Variants in IGF2BP2 observed in about 807,000 individuals in gnomAD.
IGF2BP2 encodes insulin like growth factor 2 mRNA binding protein 2.
In IGF2BP2, 17 loss-of-function variants were observed where a neutral mutation model predicts 75.8. The observed-to-expected ratio is 0.22, with a 90% CI of 0.15 to 0.34. The LOEUF (loss-of-function observed/expected upper bound fraction) is 0.34, where lower values mean the gene tolerates loss of function less well. Ranked by LOEUF, IGF2BP2 falls within the 10% of genes least tolerant of loss-of-function variation. The pLI is 1.00. For missense variants in IGF2BP2, 516 were observed against 772.4 expected, an observed-to-expected ratio of 0.67 and a Z score of 3.93; for synonymous variants, 288 against 295.6, an observed-to-expected ratio of 0.97 and a Z score of 0.26.
At chr3:185,671,541 AAAAAAAAAAAG>A in intron 10 of IGF2BP2, among the ~76,000 whole-genome samples, 1 of 151,910 alleles carries the variant, frequency 6.6e-6, no homozygotes, top group African/African-American at 2.4e-5. Context: ...ATCTCAAAAA[AAAAAAAAAAAG>A]AAAAAGAAAA....
At chr3:185,739,079 A>C (rs1202703850) in intron 2 of IGF2BP2, among the ~76,000 whole-genome samples, 2 of 152,230 alleles carry the variant, frequency 1.3e-5, no homozygotes, top group Non-Finnish European at 2.9e-5. Context: ...CTGCCCTTTT[A>C]TATGTGTTTT....
At chr3:185,751,185 C>CA (rs1375832154) in intron 2 of IGF2BP2, among the ~76,000 whole-genome samples, 1 of 152,078 alleles carries the variant, frequency 6.6e-6, no homozygotes, top group African/African-American at 2.4e-5. Flanking sequence ...TGCCTCCGGC[C>CA]AAAAAATTGC....
chr3:185,789,320 C>T (rs968205434), intron 2 of IGF2BP2, among the ~76,000 whole-genome samples: 1 of 152,126 alleles, frequency 6.6e-6, no homozygotes, highest in Non-Finnish European at 1.5e-5. Context: ...ACAAGCTGAG[C>T]CTATCACGCA....
At chr3:185,702,762 A>G (rs1723489173) in intron 2 of IGF2BP2, among the ~76,000 whole-genome samples, 2 of 151,962 alleles carry the variant, frequency 1.3e-5, no homozygotes, top group African/African-American at 4.8e-5. Context: ...CTATCTTTAA[A>G]CACTCCTTCA....
chr3:185,796,859 A>G (rs970128173), intron 2 of IGF2BP2, among the ~76,000 whole-genome samples: 3 of 152,190 alleles, frequency 2.0e-5, no homozygotes, highest in African/African-American at 7.2e-5. Context: ...TTTTGCTACA[A>G]TAGTTTGGTT....
intron 2 of IGF2BP2, chr3:185,722,082 C>T (rs1726642956): frequency 5.7e-6 from 2 of 350,284 alleles, no homozygotes; most frequent in Non-Finnish European, 1.1e-5. Context: ...CATGCACCAA[C>T]CACATCTGAT....
chr3:185,739,466 C>T (rs1015853827), intron 2 of IGF2BP2, among the ~76,000 whole-genome samples: 13 of 152,282 alleles, frequency 8.5e-5, no homozygotes, highest in African/African-American at 3.1e-4. Flanking sequence ...CTTCTGTTAT[C>T]AAAAGGCAAA....
intron 2 of IGF2BP2, among the ~76,000 whole-genome samples, chr3:185,801,677 C>G (rs1050675065): frequency 6.6e-6 from 1 of 151,776 alleles, no homozygotes; most frequent in Non-Finnish European, 1.5e-5. Context: ...GAGTGTATAC[C>G]CAAAGGATTA....
chr3:185,685,185 TA>T (rs1720944424), intron 7 of IGF2BP2, among the ~76,000 whole-genome samples: 1 of 152,014 alleles, frequency 6.6e-6, no homozygotes. Context: ...CTGTCTCTAC[TA>T]AAATTACAAA....
chr3:185,649,779 G>A (rs564168829), intron 13 of IGF2BP2, among the ~76,000 whole-genome samples: 5 of 152,368 alleles, frequency 3.3e-5, no homozygotes, highest in African/African-American at 1.2e-4. Flanking sequence ...GTTTGCACAA[G>A]ACTGCCTCCT....
intron 2 of IGF2BP2, among the ~76,000 whole-genome samples, chr3:185,781,894 G>A (rs1735250146): frequency 6.6e-6 from 1 of 152,028 alleles, no homozygotes; most frequent in African/African-American, 2.4e-5. Flanking sequence ...TCTAACCAGG[G>A]CTGCATTTGT....
chr3:185,737,056 C>A (rs9850770), intron 2 of IGF2BP2, among the ~76,000 whole-genome samples: 44,265 of 152,038 alleles, frequency 0.29, 8,599 homozygotes, highest in African/African-American at 0.56. Flanking sequence ...TGTGATGTTT[C>A]GCATTAATTT....
At chr3:185,687,033 T>A (rs759219580) in intron 7 of IGF2BP2, 24 bp downstream of exon 7, 3 of 1,608,476 alleles carry the variant, frequency 1.9e-6, no homozygotes, top group Admixed American at 3.4e-5. Flanking sequence ...TGTTGAGTGA[T>A]CTGGGCATTG....
chr3:185,807,306 A>AC (rs1249157374), intron 2 of IGF2BP2, among the ~76,000 whole-genome samples: 1 of 152,180 alleles, frequency 6.6e-6, no homozygotes. Context: ...TAAAAATGTG[A>AC]CCCCACCTAA....
At chr3:185,796,167 T>C (rs1203523552) in intron 2 of IGF2BP2, among the ~76,000 whole-genome samples, 1 of 152,132 alleles carries the variant, frequency 6.6e-6, no homozygotes, top group African/African-American at 2.4e-5. Context: ...ATTTAAAGGA[T>C]TACTATGTCT....
At chr3:185,708,385 A>G (rs542705915) in intron 2 of IGF2BP2, among the ~76,000 whole-genome samples, 1 of 152,312 alleles carries the variant, frequency 6.6e-6, no homozygotes, top group East Asian at 1.9e-4. Context: ...CCTTCTCAGC[A>G]TCAACCGCAA....
intron 2 of IGF2BP2, among the ~76,000 whole-genome samples, chr3:185,811,868 CT>C (rs1739917976): frequency 3.7e-5 from 2 of 53,908 alleles, no homozygotes; most frequent in South Asian, 5.8e-4. Flanking sequence ...CTCTCTCTCT[CT>C]CTCTCTCTCC....
intron 1 of IGF2BP2, among the ~76,000 whole-genome samples, chr3:185,823,738 A>C (rs1159880605): frequency 1.3e-5 from 2 of 148,410 alleles, no homozygotes; most frequent in African/African-American, 2.5e-5. Flanking sequence ...CCCCGCCCCC[A>C]CTCCACACGC....
At chr3:185,768,356 C>CA (rs544645032) in intron 2 of IGF2BP2, among the ~76,000 whole-genome samples, 221 of 152,234 alleles carry the variant, frequency 1.5e-3, no homozygotes, top group African/African-American at 5.0e-3. Context: ...TTAGAGGTGT[C>CA]ACGATGCTGA....
Sources: gnomAD v4.1 joint callset for allele counts (sites outside exome capture counted in the v4.1 genomes callset) on GRCh38, gnomAD v4.1.1 for gene constraint, MANE v1.5 for transcripts, NCBI Gene and HGNC (gene_info 2026-07-23, HGNC 2026-07-21) for gene names.